The following LDB1 variants were observed in gnomAD, a reference collection of about 807,000 sequenced individuals.
LDB1 encodes the protein LIM domain binding 1.
In LDB1, 6 loss-of-function variants were observed where a neutral mutation model predicts 49.7. That is an observed-to-expected ratio of 0.12 (90% CI 0.07 to 0.24). The LOEUF (loss-of-function observed/expected upper bound fraction) is 0.24, where lower values mean the gene tolerates loss of function less well. LDB1 is among the 10% of genes least tolerant of loss of function. LDB1 has a pLI of 1.00. For synonymous variants in LDB1, 233 were observed against 202.0 expected (o/e 1.15, Z -1.30); for missense variants, 341 against 561.7 (o/e 0.61, Z 3.97).
intron 10 of LDB1, among the ~76,000 whole-genome samples, 188 bp from the exon 11 acceptor site, chr10:102,108,511 C>T (rs536085462): frequency 6.2e-4 from 95 of 152,208 alleles, no homozygotes; most frequent in African/African-American, 2.1e-3. Flanking sequence ...TGAAGAACAC[C>T]AGAGCATCAA....
At chr10:102,106,061 C>CT (rs1442728293), downstream of LDB1, among the ~76,000 whole-genome samples, 4 of 152,060 alleles carry the variant, frequency 2.6e-5, no homozygotes, top group African/African-American at 7.2e-5. Flanking sequence ...CCCAGGTACT[C>CT]TAAGTACCCC....
intron 1 of LDB1, among the ~76,000 whole-genome samples, chr10:102,112,454 T>C (rs2068269399): frequency 6.6e-6 from 1 of 152,188 alleles, no homozygotes; most frequent in South Asian, 2.1e-4. Flanking sequence ...TTTCAAACTC[T>C]GCCCTTCCTC....
At chr10:102,115,590 G>A (rs1339246573) in intron 1 of LDB1, among the ~76,000 whole-genome samples, 1 of 152,066 alleles carries the variant, frequency 6.6e-6, no homozygotes, top group Admixed American at 6.6e-5. Flanking sequence ...CCCTTAACAG[G>A]AAGCCCCCTT....
At chr10:102,118,385 A>G (rs2068359657) in intron 1 of LDB1, among the ~76,000 whole-genome samples, 1 of 152,134 alleles carries the variant, frequency 6.6e-6, no homozygotes, top group East Asian at 1.9e-4. Context: ...CAAAAGGAAC[A>G]TGCCTTCTGG....
At chr10:102,102,377 C>T (rs556526724), downstream of LDB1, among the ~76,000 whole-genome samples, 1 of 152,324 alleles carries the variant, frequency 6.6e-6, no homozygotes, top group East Asian at 1.9e-4. Context: ...TCCAGGCAGC[C>T]TCAGTTGTTG....
downstream of LDB1, among the ~76,000 whole-genome samples, chr10:102,105,227 C>T (rs1364546424): frequency 1.3e-5 from 2 of 152,006 alleles, no homozygotes; most frequent in African/African-American, 4.8e-5. Context: ...TGGTAAATGT[C>T]CTTCAGGCTG....
chr10:102,121,112 G>T (rs1273033483), upstream of LDB1, among the ~76,000 whole-genome samples: 1 of 152,136 alleles, frequency 6.6e-6, no homozygotes, highest in Non-Finnish European at 1.5e-5. Flanking sequence ...GCCCTCCTCC[G>T]CCTAAGGGCT....
rs969603185 is a variant in LDB1, at chr10:102,106,831, C to T, written c.*1262G>A. Among the ~76,000 whole-genome samples, 1 of 152,072 alleles carries T rather than the reference C, an allele frequency of 6.6e-6. No homozygotes were observed. Among genetic ancestry groups the T allele is most frequent in the African/African-American group, 2.4e-5 (1 of 41,392 alleles). On this transcript the variant is annotated 3_prime_UTR_variant, in exon 11 of 11. Coordinates refer to ENST00000673968, the MANE Select transcript of LDB1 (RefSeq NM_001113407.3). ...GCTCCTGGCTGCACCCTGGCAGAGCCGAGGATCCCGGCTGCCTCCTCCTCC... is the reference window on the plus strand; with the variant it reads ...GCTCCTGGCTGCACCCTGGCAGAGCTGAGGATCCCGGCTGCCTCCTCCTCC...
Position 102,109,192 on chromosome 10 carries a change from G to A in LDB1, c.857-15C>T, listed in dbSNP as rs369881180. The stretch of plus-strand genomic sequence containing the variant: ...TGTGGGCTCCGCTGTGCCGGTAAAC[G>A]GAGACTCAGATGGGAGAGGGCCCCA... On this transcript the variant is annotated splice_polypyrimidine_tract_variant and intron_variant, in intron 9 of 10. Transcript: ENST00000673968. This position sits in a 1 kb window ranked among gnomAD's most constrained non-coding sequence, Gnocchi z 5.8. 35 of 1,612,918 alleles carry A rather than the reference G, an allele frequency of 2.2e-5. No individual in the cohort carries two copies. The highest frequency in any genetic ancestry group is 2.6e-5 in the Non-Finnish European group (31 of 1,179,888).
intron 1 of LDB1, among the ~76,000 whole-genome samples, chr10:102,111,913 G>A (rs2068261042): frequency 6.6e-6 from 1 of 152,224 alleles, no homozygotes; most frequent in Non-Finnish European, 1.5e-5. Context: ...GCTAGACTGT[G>A]TGGATAGGGA....
rs542942927 is a variant in LDB1, at chr10:102,115,632, G to A, written c.26-4096C>T. 9.9e-5 allele frequency among the ~76,000 whole-genome samples: 15 copies of A among 152,160 alleles called. No homozygotes were observed. In the East Asian group the frequency reaches 2.9e-3, roughly 29 times the overall value. ...CACCACTGAAGACAAGTGGGTGCCA[G>A]GGAAAGAGGCATTGTCAGAGCTAGG... On this transcript the variant is annotated intron_variant, in intron 1 of 10. Transcript: ENST00000673968.
Position 102,117,688 on chromosome 10 carries a change from A to C in LDB1, c.25+2398T>G. On this transcript the variant is annotated intron_variant, in intron 1 of 10. Transcript: ENST00000673968. The surrounding 1 kb of genome is among the most constrained non-coding windows in gnomAD (Gnocchi z 4.2). ...CACTGCTGCCTCCTCCCCTCCCCCT[A>C]CTCCTCCCTGCCTTAACCCTTCTGA... Among the ~76,000 whole-genome samples the C allele has an allele frequency of 6.7e-6, 1 of 148,624 alleles. No individual in the cohort carries two copies. The highest frequency in any genetic ancestry group is 2.2e-4 in the South Asian group (1 of 4,610).
chr10:102,108,207 G>T lies in LDB1; in HGVS notation c.1122C>A (p.Asp374Glu). 1 of 1,614,022 alleles carries T rather than the reference G, an allele frequency of 6.2e-7. No individual in the cohort carries two copies. Among genetic ancestry groups the T allele is most frequent in the Non-Finnish European group, 8.5e-7 (1 of 1,179,946 alleles). Residue 374 changes from aspartate to glutamate, a missense_variant, in exon 11 of 11, where the codon GAC becomes GAA. Coordinates refer to ENST00000673968, the MANE Select transcript of LDB1 (RefSeq NM_001113407.3). The stretch of plus-strand genomic sequence containing the variant: ...CAGGGGAGTTGTTAAAGCTGTCCTC[G>T]TCGTCAATGCCGTTGGCTGCGTCAA... Reference protein sequence around the residue: ...TQFDAANGIDDEDSFNNSPAL... With the variant: ...TQFDAANGIDEEDSFNNSPAL...
At chr10:102,110,477 T>TG in intron 6 of LDB1, 52 bp downstream of exon 6, 1 of 1,554,580 alleles carries the variant, frequency 6.4e-7, no homozygotes, top group East Asian at 2.2e-5. Flanking sequence ...GGAGAGAGGA[T>TG]GGGAATCAAA....
At chr10:102,119,967 GC>G in intron 1 of LDB1, 118 bp downstream of exon 1, 17 of 729,152 alleles carry the variant, frequency 2.3e-5, no homozygotes, top group East Asian at 3.5e-5. Flanking sequence ...AGCCCTTCCA[GC>G]CCCCGGCTTC....
chr10:102,110,236 T>C (rs1010092242), intron 6 of LDB1, among the ~76,000 whole-genome samples, 193 bp from the exon 7 acceptor site: 1 of 151,936 alleles, frequency 6.6e-6, no homozygotes, highest in African/African-American at 2.4e-5. Flanking sequence ...AGACACACAG[T>C]AGAAAAGCTT....
intron 10 of LDB1, among the ~76,000 whole-genome samples, chr10:102,108,673 T>C (rs970745002): frequency 6.6e-6 from 1 of 152,166 alleles, no homozygotes; most frequent in Non-Finnish European, 1.5e-5. Flanking sequence ...AGTGTGTGCA[T>C]GTGCAAGGGT....
intron 1 of LDB1, among the ~76,000 whole-genome samples, chr10:102,118,966 C>T (rs2068367636): frequency 6.6e-6 from 1 of 152,180 alleles, no homozygotes; most frequent in African/African-American, 2.4e-5. Flanking sequence ...GCCCCTTAGA[C>T]ATCAGCCTCA....
Position 102,110,670 on chromosome 10 carries a change from G to A in LDB1, c.384C>T (p.Phe128=). Residue 128 remains phenylalanine, a synonymous_variant, in exon 6 of 11, where the codon TTC becomes TTT. Coordinates refer to ENST00000673968, the MANE Select transcript of LDB1 (RefSeq NM_001113407.3). ...TIGRTLIPRY[F]RSIFEGGATE... Reference sequence around the variant, plus strand: ...TAGCACCCCCCTCAAAGATGCTGCGGAAGTAGCGTGGGATCAGGGTCCGGC... The same window carrying A: ...TAGCACCCCCCTCAAAGATGCTGCGAAAGTAGCGTGGGATCAGGGTCCGGC... 6.2e-7 allele frequency: 1 copy of A among 1,613,800 alleles called. No homozygotes were observed. The highest frequency in any genetic ancestry group is 8.5e-7 in the Non-Finnish European group (1 of 1,179,792).
Sources: gnomAD v4.1 joint callset for allele counts (sites outside exome capture counted in the v4.1 genomes callset) on GRCh38, gnomAD v4.1.1 for gene constraint, Gnocchi (gnomAD v3.1) non-coding constraint, MANE v1.5 for transcripts, NCBI Gene and HGNC (gene_info 2026-07-23, HGNC 2026-07-21) for gene names.